Variants in CRACD observed in about 807,000 individuals in gnomAD.
CRACD encodes capping protein inhibiting regulator of actin dynamics, also known as capping protein-inhibiting regulator of actin dynamics.
CRACD carries 56 observed loss-of-function variants against 106.8 expected under a neutral mutation model. The ratio of observed to expected loss-of-function variants is 0.52; its 90% CI spans 0.42 to 0.66. The LOEUF is 0.66. CRACD is among the 30% of genes least tolerant of loss of function. The pLI is 0.00. For missense variants in CRACD, 1,730 were observed against 1,623.2 expected, an observed-to-expected ratio of 1.07 and a Z score of -1.13; for synonymous variants, 754 against 670.8, an observed-to-expected ratio of 1.12 and a Z score of -1.92.
intron 1 of CRACD, among the ~76,000 whole-genome samples, chr4:56,101,634 G>A (rs531296316): frequency 6.6e-6 from 1 of 151,874 alleles, no homozygotes; most frequent in Non-Finnish European, 1.5e-5. Context: ...GTGGTGGTGG[G>A]CATCTGTAAT....
intron 1 of CRACD, among the ~76,000 whole-genome samples, chr4:56,113,063 C>G (rs1379307947): frequency 6.6e-6 from 1 of 152,140 alleles, no homozygotes; most frequent in Non-Finnish European, 1.5e-5. Context: ...TGTTAAACCA[C>G]TGTACTGAGG....
At chr4:56,072,853 G>C (rs1307533569) in intron 1 of CRACD, among the ~76,000 whole-genome samples, 1 of 151,970 alleles carries the variant, frequency 6.6e-6, no homozygotes, top group Admixed American at 6.6e-5. Context: ...AGAACATGCA[G>C]TGTTTGGTTT....
rs554296393 is a variant in CRACD, at chr4:56,211,444, T to C, written c.-189+32014T>C. On this transcript the variant is annotated intron_variant, in intron 2 of 10. Transcript: ENST00000682029. ...CAGCTCAGCCCATGGCTGTTCCAGG[T>C]GTGCCCCAGCCTGCCTTTGTTATAG... Among the ~76,000 whole-genome samples, 45 of 152,352 alleles carry C rather than the reference T, an allele frequency of 3.0e-4. No individual in the cohort carries two copies. The South Asian group carries it at 7.0e-3, about 24-fold the overall frequency.
intron 1 of CRACD, among the ~76,000 whole-genome samples, chr4:56,145,606 T>G (rs1428197290): frequency 6.6e-6 from 1 of 152,068 alleles, no homozygotes; most frequent in Non-Finnish European, 1.5e-5. Context: ...TCATATATTA[T>G]TTTTTCTTTT....
intron 1 of CRACD, among the ~76,000 whole-genome samples, chr4:56,052,353 T>C (rs929013381): frequency 1.3e-5 from 2 of 152,366 alleles, no homozygotes; most frequent in Admixed American, 1.3e-4. Flanking sequence ...AAAATGTTGG[T>C]TGAGATCGCT....
At chr4:56,180,237 A>G (rs1736757560) in intron 2 of CRACD, among the ~76,000 whole-genome samples, 1 of 151,962 alleles carries the variant, frequency 6.6e-6, no homozygotes, top group Admixed American at 6.6e-5. Context: ...CACGTCTGTA[A>G]TCCCAGCACT....
At chr4:56,054,287 C>G (rs1346906756) in intron 1 of CRACD, among the ~76,000 whole-genome samples, 1 of 152,150 alleles carries the variant, frequency 6.6e-6, no homozygotes, top group Non-Finnish European at 1.5e-5. Flanking sequence ...CTCAAGTGAT[C>G]CTCCTAGCTC....
chr4:56,051,916 T>C (rs1731891418), intron 1 of CRACD, among the ~76,000 whole-genome samples: 1 of 152,196 alleles, frequency 6.6e-6, no homozygotes, highest in African/African-American at 2.4e-5. Flanking sequence ...ATGGGGGAAG[T>C]AATCCTATTT....
intron 6 of CRACD, among the ~76,000 whole-genome samples, chr4:56,311,975 G>T (rs545114535): frequency 2.0e-4 from 31 of 152,208 alleles, no homozygotes; most frequent in Non-Finnish European, 4.3e-4. Flanking sequence ...CTTCATCTGA[G>T]GTTGTGTTTT....
chr4:56,143,036 G>C (rs1735259174), intron 1 of CRACD, among the ~76,000 whole-genome samples: 2 of 149,918 alleles, frequency 1.3e-5, no homozygotes, highest in African/African-American at 4.9e-5. Flanking sequence ...CATTTACCTT[G>C]CTAGAAAAAA....
chr4:56,065,364 A>G (rs989252236), intron 1 of CRACD, among the ~76,000 whole-genome samples: 3 of 152,146 alleles, frequency 2.0e-5, no homozygotes, highest in Non-Finnish European at 4.4e-5. Flanking sequence ...CTGGGATTAC[A>G]GTCGTGAGCC....
chr4:56,258,986 C>T (rs1037438253), intron 2 of CRACD, among the ~76,000 whole-genome samples: 1 of 152,118 alleles, frequency 6.6e-6, no homozygotes, highest in Non-Finnish European at 1.5e-5. Context: ...ATTCATGGGT[C>T]TGTAACTAAA....
At chr4:56,229,640 G>A (rs7685126) in intron 2 of CRACD, among the ~76,000 whole-genome samples, 96,001 of 152,092 alleles carry the variant, frequency 0.63, 31,042 homozygotes, top group African/African-American at 0.76. Context: ...GAAATCCACA[G>A]TAAAACTGTA....
At chr4:56,114,751 G>A (rs1168153025) in intron 1 of CRACD, among the ~76,000 whole-genome samples, 4 of 151,960 alleles carry the variant, frequency 2.6e-5, no homozygotes, top group Non-Finnish European at 5.9e-5. Flanking sequence ...ATTTGGTTAG[G>A]ACTTGTATTT....
chr4:56,188,711 C>CAGAGAG (rs142124735), intron 2 of CRACD, among the ~76,000 whole-genome samples: 71 of 113,166 alleles, frequency 6.3e-4, no homozygotes, highest in African/African-American at 2.3e-3. Flanking sequence ...CACACACACA[C>CAGAGAG]AGAGAGAGAG....
intron 1 of CRACD, among the ~76,000 whole-genome samples, chr4:56,145,170 T>C (rs965514307): frequency 4.6e-5 from 7 of 152,228 alleles, no homozygotes; most frequent in African/African-American, 1.2e-4. Context: ...ATATCTGTGT[T>C]AAATCCCATT....
Position 56,310,751 on chromosome 4 carries a change from T to C in CRACD, c.354+17T>C. On this transcript the variant is annotated intron_variant, in intron 6 of 10. Coordinates refer to ENST00000682029, the MANE Select transcript of CRACD (RefSeq NM_001393381.1). ...GAAGAGAAGGTAATATGATTTGAAC[T>C]TATTTATTTGGCTTCTTTCCTTACT... 6.4e-7 allele frequency: 1 copy of C among 1,568,278 alleles called. No homozygotes were observed. The highest frequency in any genetic ancestry group is 8.8e-7 in the Non-Finnish European group (1 of 1,139,266).
At chr4:56,075,488 G>A (rs1233665276) in intron 1 of CRACD, among the ~76,000 whole-genome samples, 1 of 152,146 alleles carries the variant, frequency 6.6e-6, no homozygotes, top group Non-Finnish European at 1.5e-5. Context: ...GGTGTTTATA[G>A]TATTCTCTGA....
At chr4:56,213,470 AAG>A (rs1560485911) in intron 2 of CRACD, among the ~76,000 whole-genome samples, 1 of 151,116 alleles carries the variant, frequency 6.6e-6, no homozygotes, top group East Asian at 1.9e-4. Context: ...AATAAAATAA[AAG>A]AGTTTAATTG....
Sources: allele counts gnomAD v4.1 joint callset (sites outside exome capture counted in the v4.1 genomes callset), GRCh38; gene constraint gnomAD v4.1.1; transcripts MANE v1.5; gene names NCBI Gene and HGNC (gene_info 2026-07-23, HGNC 2026-07-21).